Variants in STARD13 observed in about 807,000 individuals in gnomAD.
STARD13 encodes the protein stAR-related lipid transfer protein 13.
Under a neutral mutation model 106.4 loss-of-function variants are expected in STARD13, and 62 were observed. The observed-to-expected ratio is 0.58, with a 90% confidence interval of 0.48 to 0.72. The LOEUF is 0.72. STARD13 is among the 30% of genes least tolerant of loss of function. STARD13 has a pLI of 0.00. For missense variants in STARD13, 1,387 were observed against 1,424.0 expected (o/e 0.97, Z 0.42); for synonymous variants, 565 against 553.0 (o/e 1.02, Z -0.31).
chr13:33,530,625 G>A, the STARD13 span, among the ~76,000 whole-genome samples: 113 of 152,258 alleles, frequency 7.4e-4, 3 homozygotes, highest in East Asian at 0.018. Flanking sequence ...AACAAGGAGC[G>A]AATTAAGATT....
intron 1 of STARD13, chr13:33,186,043 A>G: frequency 6.2e-7 from 1 of 1,613,948 alleles, no homozygotes; most frequent in Non-Finnish European, 8.5e-7. Context: ...AGAAATTCAG[A>G]GCAAGGAGCA....
chr13:33,190,944 C>CA (rs1424979999), intron 1 of STARD13, among the ~76,000 whole-genome samples: 23 of 151,524 alleles, frequency 1.5e-4, no homozygotes, highest in African/African-American at 3.1e-4. Flanking sequence ...TACCAGCATT[C>CA]AAAAAAAACC....
At chr13:33,431,346 A>G in the STARD13 span, among the ~76,000 whole-genome samples, 6 of 152,314 alleles carry the variant, frequency 3.9e-5, no homozygotes, top group East Asian at 1.9e-4. Context: ...TATTTTGATT[A>G]TATGTTAAAA....
the STARD13 span, among the ~76,000 whole-genome samples, chr13:33,487,535 A>C: frequency 6.6e-6 from 1 of 152,220 alleles, no homozygotes; most frequent in Non-Finnish European, 1.5e-5. Context: ...TAAAAGGAGG[A>C]GAGACATTCC....
the STARD13 span, among the ~76,000 whole-genome samples, chr13:33,423,039 G>A: frequency 6.6e-6 from 1 of 152,136 alleles, no homozygotes; most frequent in Non-Finnish European, 1.5e-5. Flanking sequence ...GCATGAGCAA[G>A]CACTTCATGG....
intron 4 of STARD13, among the ~76,000 whole-genome samples, chr13:33,134,239 C>G (rs1878747568): frequency 6.6e-6 from 1 of 152,116 alleles, no homozygotes; most frequent in Non-Finnish European, 1.5e-5. Context: ...TTGTCTTGGG[C>G]CACACATAAA....
the STARD13 span, among the ~76,000 whole-genome samples, chr13:33,442,896 A>G: frequency 6.6e-6 from 1 of 152,224 alleles, no homozygotes; most frequent in Non-Finnish European, 1.5e-5. Context: ...TTATATAGCA[A>G]TATTTTAACA....
the STARD13 span, among the ~76,000 whole-genome samples, chr13:33,643,629 C>T: frequency 1.8e-4 from 28 of 152,256 alleles, no homozygotes; most frequent in South Asian, 2.1e-4. Flanking sequence ...GTCGCACACC[C>T]GGTTCAGTTT....
chr13:33,398,922 A>G, the STARD13 span, among the ~76,000 whole-genome samples: 6 of 152,224 alleles, frequency 3.9e-5, no homozygotes, highest in Non-Finnish European at 7.3e-5. Flanking sequence ...ATGAAAACAT[A>G]TATCCATACA....
the STARD13 span, among the ~76,000 whole-genome samples, chr13:33,477,601 A>C: frequency 6.6e-6 from 1 of 152,316 alleles, no homozygotes; most frequent in East Asian, 1.9e-4. Flanking sequence ...ATGGGAGGTC[A>C]GACATGCCTT....
chr13:33,119,711 G>A (rs1448116978), intron 7 of STARD13, among the ~76,000 whole-genome samples: 1 of 152,132 alleles, frequency 6.6e-6, no homozygotes, highest in Non-Finnish European at 1.5e-5. Flanking sequence ...AAGGTTTATC[G>A]CTCTAATCCC....
the STARD13 span, among the ~76,000 whole-genome samples, chr13:33,384,571 T>TA: frequency 6.6e-6 from 1 of 152,208 alleles, no homozygotes; most frequent in Non-Finnish European, 1.5e-5. Context: ...ATCCTGGAAG[T>TA]AGAGTAGTAC....
intron 1 of STARD13, among the ~76,000 whole-genome samples, chr13:33,179,568 T>A (rs1885028603): frequency 1.3e-5 from 2 of 152,206 alleles, no homozygotes; most frequent in African/African-American, 2.4e-5. Context: ...GCATTTGTCT[T>A]TACTTATTTA....
At chr13:33,636,238 TTGC>T in the STARD13 span, among the ~76,000 whole-genome samples, 2 of 151,788 alleles carry the variant, frequency 1.3e-5, no homozygotes, top group Non-Finnish European at 2.9e-5. Flanking sequence ...GTAAGACTGA[TTGC>T]GATGATTTTT....
chr13:33,504,556 G>A, the STARD13 span, among the ~76,000 whole-genome samples: 2 of 146,302 alleles, frequency 1.4e-5, no homozygotes, highest in Non-Finnish European at 3.0e-5. Context: ...ATTGAACAAT[G>A]AGAATACTTG....
chr13:33,149,836 C>G (rs1457857545), intron 3 of STARD13, among the ~76,000 whole-genome samples: 4 of 152,300 alleles, frequency 2.6e-5, no homozygotes, highest in Non-Finnish European at 5.9e-5. Context: ...TTATCAAAAC[C>G]ACTGCAAAAT....
chr13:33,395,068 G>A, the STARD13 span, among the ~76,000 whole-genome samples: 4 of 152,192 alleles, frequency 2.6e-5, no homozygotes, highest in Non-Finnish European at 5.9e-5. Flanking sequence ...GACGTGGCTG[G>A]ATTAGCTTTA....
chr13:33,399,827 T>G, the STARD13 span, among the ~76,000 whole-genome samples: 1 of 150,748 alleles, frequency 6.6e-6, no homozygotes, highest in African/African-American at 2.4e-5. Flanking sequence ...GAATTTAGAG[T>G]GGAAGAAAAC....
the STARD13 span, among the ~76,000 whole-genome samples, chr13:33,495,042 C>T: frequency 7.5e-6 from 1 of 132,640 alleles, no homozygotes; most frequent in Admixed American, 7.6e-5. Context: ...ACTCCATTTC[C>T]TGCCTACACT....
Sources: allele counts gnomAD v4.1 joint callset (sites outside exome capture counted in the v4.1 genomes callset), GRCh38; gene constraint gnomAD v4.1.1; transcripts MANE v1.5; gene names NCBI Gene and HGNC (gene_info 2026-07-23, HGNC 2026-07-21).